Variants in ASIC2 observed in about 807,000 individuals in gnomAD.
ASIC2 encodes the protein acid sensing ion channel subunit 2, also known as acid-sensing ion channel 2.
A neutral mutation model predicts 57.3 loss-of-function variants in ASIC2; 25 were observed. That is an observed-to-expected ratio of 0.44 (90% CI 0.32 to 0.61). The LOEUF (loss-of-function observed/expected upper bound fraction) is 0.61, where lower values mean the gene tolerates loss of function less well. Among genes scored for constraint, ASIC2 ranks in the 20% least tolerant of loss-of-function variants. ASIC2 has a pLI of 0.06. For synonymous variants in ASIC2, 319 were observed against 307.5 expected (o/e 1.04, Z -0.39); for missense variants, 641 against 738.1 (o/e 0.87, Z 1.52).
intron 1 of ASIC2, among the ~76,000 whole-genome samples, chr17:33,937,669 A>T (rs1011448525): frequency 6.6e-6 from 1 of 152,164 alleles, no homozygotes; most frequent in African/African-American, 2.4e-5. Flanking sequence ...CATATTTTTA[A>T]TGGCTGTCCT....
intron 1 of ASIC2, among the ~76,000 whole-genome samples, chr17:33,402,572 A>G (rs1358995932): frequency 1.3e-5 from 2 of 152,148 alleles, no homozygotes; most frequent in Non-Finnish European, 2.9e-5. Context: ...TTTGCTGAGG[A>G]TAATGGCTTC....
chr17:33,767,222 C>A (rs1030711470), intron 1 of ASIC2, among the ~76,000 whole-genome samples: 13 of 152,174 alleles, frequency 8.5e-5, no homozygotes, highest in African/African-American at 3.1e-4. Flanking sequence ...CCCCAGTGAA[C>A]CTCAGTTTCT....
intron 1 of ASIC2, among the ~76,000 whole-genome samples, chr17:33,227,759 A>G (rs1907942718): frequency 6.6e-6 from 1 of 152,208 alleles, no homozygotes; most frequent in Non-Finnish European, 1.5e-5. Flanking sequence ...CATTTAACAG[A>G]TAAAGAAACT....
chr17:33,702,015 A>G (rs1248690331), intron 1 of ASIC2, among the ~76,000 whole-genome samples: 1 of 152,208 alleles, frequency 6.6e-6, no homozygotes, highest in Non-Finnish European at 1.5e-5. Flanking sequence ...TGGGTGGGGA[A>G]GGTCTCACTT....
chr17:33,387,467 T>C (rs143847841), intron 1 of ASIC2, among the ~76,000 whole-genome samples: 1 of 152,350 alleles, frequency 6.6e-6, no homozygotes, highest in East Asian at 1.9e-4. Flanking sequence ...AGGACCTTTA[T>C]CATTTTTCTC....
At chr17:34,115,768 C>A (rs529850565) in intron 1 of ASIC2, among the ~76,000 whole-genome samples, 85 of 152,280 alleles carry the variant, frequency 5.6e-4, no homozygotes, top group Non-Finnish European at 1.1e-3. Flanking sequence ...TAGAATTTAA[C>A]AAGTTGAAAA....
In ASIC2 at chr17:34,089,592, A is replaced by G. The variant is rs111559101; in HGVS notation, c.555+66386T>C. Among the ~76,000 whole-genome samples, 184 of 152,304 alleles carry G rather than the reference A, an allele frequency of 1.2e-3. 5 individuals carry two copies. Among genetic ancestry groups the G allele is most frequent in the African/African-American group, 3.9e-3 (162 of 41,568 alleles). On this transcript the variant is annotated intron_variant, in intron 1 of 9. Coordinates refer to the ASIC2 transcript ENST00000359872. The stretch of plus-strand genomic sequence containing the variant: ...AAAGGAACTGAATTTAAAAGGGACA[A>G]ATGCAGGATTGATTCTGTACCTTAA...
At chr17:33,156,659 G>C (rs1905013294) in intron 1 of ASIC2, among the ~76,000 whole-genome samples, 1 of 151,996 alleles carries the variant, frequency 6.6e-6, no homozygotes, top group Non-Finnish European at 1.5e-5. Context: ...AGGAGGCTGA[G>C]GCAGGAGAAT....
intron 1 of ASIC2, among the ~76,000 whole-genome samples, chr17:33,211,428 C>T (rs1907267879): frequency 6.6e-6 from 1 of 151,762 alleles, no homozygotes; most frequent in Non-Finnish European, 1.5e-5. Context: ...TTAACCAGCG[C>T]ACGCTAGGTA....
At chr17:33,236,932 T>C (rs1908315827) in intron 1 of ASIC2, among the ~76,000 whole-genome samples, 1 of 152,154 alleles carries the variant, frequency 6.6e-6, no homozygotes, top group Non-Finnish European at 1.5e-5. Flanking sequence ...GGCACCAAAA[T>C]GTGAGACAAT....
intron 1 of ASIC2, among the ~76,000 whole-genome samples, chr17:33,484,217 A>G (rs1451110777): frequency 6.6e-6 from 1 of 152,374 alleles, no homozygotes; most frequent in South Asian, 2.1e-4. Flanking sequence ...TTACAGCAGC[A>G]AAAGGAAACT....
At chr17:33,563,161 GA>G (rs1399981220) in intron 1 of ASIC2, among the ~76,000 whole-genome samples, 3 of 152,184 alleles carry the variant, frequency 2.0e-5, no homozygotes, top group Non-Finnish European at 4.4e-5. Context: ...TTAAAATGAT[GA>G]GGCTTTCTGC....
In ASIC2 at chr17:33,291,966, C is replaced by G. The variant is rs529518104; in HGVS notation, c.150G>C (p.Gly50=). The G allele has an allele frequency of 2.2e-4, 298 of 1,369,416 alleles. 2 individuals are homozygous for G. The South Asian group carries it at 4.0e-3, about 19-fold the overall frequency. The allele number at this position is 1,369,416 out of a possible 1,614,324, so 84.8% of individuals were successfully genotyped here. Residue 50 remains glycine, a synonymous_variant, in exon 1 of 10, where the codon GGG becomes GGC. Transcript: ENST00000225823. ...GGRGGERALQ[G]PGVARRGRPS... is the part of the protein sequence containing the mutation. ...GCCGCCCCCTGCGGGCGACCCCTGGCCCCTGCAGCGCCCGCTCGCCGCCTC... is the reference window on the plus strand; with the variant it reads ...GCCGCCCCCTGCGGGCGACCCCTGGGCCCTGCAGCGCCCGCTCGCCGCCTC...
chr17:33,261,019 C>A (rs1472314334), intron 1 of ASIC2, among the ~76,000 whole-genome samples: 1 of 152,174 alleles, frequency 6.6e-6, no homozygotes, highest in Non-Finnish European at 1.5e-5. Context: ...AGCTGCAGAC[C>A]CTTGCGCTCC....
At position 33,776,132 on chromosome 17, in the gene ASIC2, C is replaced by CAAAA. The variant is rs35541526; in HGVS notation, c.555+379842_555+379845dup. Among the ~76,000 whole-genome samples, 159 of 127,460 alleles carry CAAAA rather than the reference C, an allele frequency of 1.2e-3. 1 individual carries two copies. The highest frequency in any genetic ancestry group is 3.6e-3 in the South Asian group (13 of 3,618). 83.6% of individuals were successfully genotyped at this position (127,460 alleles called of 152,430 possible). On this transcript the variant is annotated intron_variant, in intron 1 of 9. Transcript: ENST00000359872. Reference sequence around the variant, plus strand: ...TATGTGACACAGCAAGACTCTGTCTCAAAAAAAAAAAAAAAAAAAAATAGA... The same window carrying CAAAA: ...TATGTGACACAGCAAGACTCTGTCTCAAAAAAAAAAAAAAAAAAAAAAAAATAGA...
intron 1 of ASIC2, among the ~76,000 whole-genome samples, chr17:33,788,242 A>T (rs985092447): frequency 2.0e-5 from 3 of 152,180 alleles, no homozygotes; most frequent in Admixed American, 6.5e-5. Flanking sequence ...AAAAGTGGGC[A>T]AAGAATATGA....
intron 1 of ASIC2, among the ~76,000 whole-genome samples, chr17:33,605,962 G>A (rs1378838613): frequency 1.3e-5 from 2 of 152,220 alleles, no homozygotes; most frequent in Non-Finnish European, 2.9e-5. Flanking sequence ...ACAGGCACAG[G>A]AGATATTACA....
At chr17:33,337,008 G>C (rs1407537057) in intron 1 of ASIC2, among the ~76,000 whole-genome samples, 3 of 152,138 alleles carry the variant, frequency 2.0e-5, no homozygotes, top group Non-Finnish European at 2.9e-5. Context: ...TATCTCCAGA[G>C]AATGTCCAGC....
chr17:33,678,458 C>T (rs1034305654), intron 1 of ASIC2, among the ~76,000 whole-genome samples: 1 of 151,810 alleles, frequency 6.6e-6, no homozygotes, highest in African/African-American at 2.4e-5. Context: ...CACACACACA[C>T]ACACACACAC....
Sources: allele counts gnomAD v4.1 joint callset (sites outside exome capture counted in the v4.1 genomes callset), GRCh38; gene constraint gnomAD v4.1.1; transcripts MANE v1.5; gene names NCBI Gene and HGNC (gene_info 2026-07-23, HGNC 2026-07-21).